Variants in SOBP observed in about 807,000 individuals in gnomAD.
The protein encoded by SOBP is sine oculis-binding protein homolog.
SOBP carries 4 observed loss-of-function variants against 53.6 expected under a neutral mutation model. The ratio of observed to expected loss-of-function variants is 0.07; its 90% CI spans 0.04 to 0.17. The LOEUF is 0.17. Ranked by LOEUF, SOBP falls within the 10% of genes least tolerant of loss-of-function variation. SOBP has a pLI of 1.00. For synonymous variants in SOBP, 584 were observed against 522.6 expected (o/e 1.12, Z -1.60); for missense variants, 1,088 against 1,204.7 (o/e 0.90, Z 1.43).
At chr6:107,614,725 A>G (rs1181637316) in intron 5 of SOBP, among the ~76,000 whole-genome samples, 1 of 152,262 alleles carries the variant, frequency 6.6e-6, no homozygotes, top group Non-Finnish European at 1.5e-5. Context: ...CCCTGGTGCC[A>G]GTGATCTACT....
At chr6:107,612,910 A>G (rs1786652002) in intron 5 of SOBP, among the ~76,000 whole-genome samples, 1 of 152,238 alleles carries the variant, frequency 6.6e-6, no homozygotes, top group Non-Finnish European at 1.5e-5. Flanking sequence ...GTTTTAGTAT[A>G]TAGCAATACT....
intron 3 of SOBP, among the ~76,000 whole-genome samples, chr6:107,529,076 C>A (rs1342927422): frequency 6.6e-6 from 1 of 152,104 alleles, no homozygotes; most frequent in East Asian, 1.9e-4. Context: ...TTTAGTGGTC[C>A]CAGTTTTCTC....
At chr6:107,629,499 C>T (rs968985619) in intron 5 of SOBP, among the ~76,000 whole-genome samples, 4 of 152,152 alleles carry the variant, frequency 2.6e-5, no homozygotes, top group African/African-American at 4.8e-5. Flanking sequence ...TGTGGGTAAC[C>T]TCATGGCATA....
At chr6:107,656,696 G>C (rs533905819) in intron 6 of SOBP, among the ~76,000 whole-genome samples, 1 of 152,280 alleles carries the variant, frequency 6.6e-6, no homozygotes, top group East Asian at 1.9e-4. Flanking sequence ...TCCTCCCAAT[G>C]GGCATTTGAC....
At chr6:107,563,811 A>G (rs1288598382) in intron 4 of SOBP, among the ~76,000 whole-genome samples, 1 of 152,208 alleles carries the variant, frequency 6.6e-6, no homozygotes, top group Admixed American at 6.5e-5. Flanking sequence ...TTTCCCATGA[A>G]TGTAGCGCTT....
intron 2 of SOBP, among the ~76,000 whole-genome samples, chr6:107,505,687 G>C (rs577857308): frequency 9.9e-5 from 15 of 152,092 alleles, no homozygotes; most frequent in Non-Finnish European, 1.9e-4. Context: ...GTCTTGCTCT[G>C]TCACCCAGGC....
intron 4 of SOBP, among the ~76,000 whole-genome samples, chr6:107,561,536 C>T (rs781627261): frequency 7.2e-5 from 11 of 152,066 alleles, no homozygotes; most frequent in Non-Finnish European, 1.5e-4. Flanking sequence ...TTGGCTGGGC[C>T]GGGCTGGGCT....
intron 4 of SOBP, among the ~76,000 whole-genome samples, chr6:107,570,783 TA>T (rs1318991044): frequency 1.3e-5 from 2 of 152,248 alleles, no homozygotes; most frequent in African/African-American, 2.4e-5. Context: ...ACATTAAGTG[TA>T]ATAGCAGTGC....
intron 1 of SOBP, among the ~76,000 whole-genome samples, chr6:107,501,479 C>G (rs1299736029): frequency 2.0e-5 from 3 of 152,208 alleles, no homozygotes; most frequent in Non-Finnish European, 4.4e-5. Flanking sequence ...GATATAGTCA[C>G]TAGGATATAT....
At chr6:107,630,354 C>T (rs1427799225) in intron 5 of SOBP, among the ~76,000 whole-genome samples, 1 of 152,158 alleles carries the variant, frequency 6.6e-6, no homozygotes, top group African/African-American at 2.4e-5. Flanking sequence ...TTATGAGACA[C>T]ACATTGTGTT....
At chr6:107,590,295 T>C (rs1785701362) in intron 5 of SOBP, among the ~76,000 whole-genome samples, 1 of 151,942 alleles carries the variant, frequency 6.6e-6, no homozygotes. Flanking sequence ...AAGAGGAACA[T>C]TGAGAGGGTT....
At chr6:107,531,432 C>G (rs536051980) in intron 3 of SOBP, among the ~76,000 whole-genome samples, 12 of 152,176 alleles carry the variant, frequency 7.9e-5, no homozygotes, top group African/African-American at 2.6e-4. Flanking sequence ...TAGTTGCTAT[C>G]TAGTTTAGTA....
intron 5 of SOBP, among the ~76,000 whole-genome samples, chr6:107,595,227 G>T (rs963366242): frequency 1.3e-5 from 2 of 151,688 alleles, no homozygotes; most frequent in African/African-American, 4.8e-5. Context: ...AAGGTATATA[G>T]TTTTTAATTT....
chr6:107,634,982 GC>G lies in SOBP; in HGVS notation c.2142del (p.Glu715ArgfsTer10). On this transcript the variant is annotated frameshift_variant, in exon 6 of 7. Transcript: ENST00000317357. LOFTEE classifies it high-confidence loss of function. The surrounding 1 kb of genome is among the most constrained non-coding windows in gnomAD (Gnocchi z 4.5). ...GACCCAGGCCCGGGCGCCCCGGCGG[GC>G]CCCGAGGCGGCCGCGGCCTGCAACG... ...AGDPGPGAPA[G>X]PEAAAACNVI... 1 of 1,030,844 alleles carries G rather than the reference GC, an allele frequency of 9.7e-7. No individual in the cohort carries two copies. The highest frequency in any genetic ancestry group is 1.2e-6 in the Non-Finnish European group (1 of 862,014). The allele number at this position is 1,030,844 out of a possible 1,614,324, so 63.9% of individuals were successfully genotyped here.
At chr6:107,646,079 T>C (rs1023267738) in intron 6 of SOBP, among the ~76,000 whole-genome samples, 1 of 152,244 alleles carries the variant, frequency 6.6e-6, no homozygotes, top group African/African-American at 2.4e-5. Flanking sequence ...GGAAAATTAC[T>C]TGAGCAGCTC....
intron 4 of SOBP, among the ~76,000 whole-genome samples, chr6:107,560,453 A>G (rs1230738280): frequency 6.6e-6 from 1 of 151,380 alleles, no homozygotes; most frequent in African/African-American, 2.4e-5. Context: ...TCCTCTCTGG[A>G]TTCTCTCCTT....
rs772378900 is a variant in SOBP, at chr6:107,634,294, C to T, written c.1450C>T (p.Pro484Ser). The T allele has an allele frequency of 6.4e-7, 1 of 1,563,792 alleles. No individual in the cohort carries two copies. Residue 484 changes from proline to serine, a missense_variant, in exon 6 of 7, where the codon CCG (proline) becomes TCG (serine). Pro to Ser is a moderately conservative substitution (Grantham distance 74). Coordinates refer to ENST00000317357, the MANE Select transcript of SOBP (RefSeq NM_018013.4). This position sits in a 1 kb window ranked among gnomAD's most constrained non-coding sequence, Gnocchi z 4.5. ...GCTGCCCCCGCCGCCTCCGGGCGCC[C>T]CGCTGCCGAGTCTTCCCTTCCCGCC... ...GLLPPPPPGA[P>S]LPSLPFPPVS...
chr6:107,557,559 A>G (rs1784650689), intron 4 of SOBP, among the ~76,000 whole-genome samples: 1 of 152,256 alleles, frequency 6.6e-6, no homozygotes, highest in Non-Finnish European at 1.5e-5. Flanking sequence ...GACTCGGTCA[A>G]TATAAACCAA....
chr6:107,544,723 T>C (rs972209987), intron 4 of SOBP, among the ~76,000 whole-genome samples: 5 of 152,242 alleles, frequency 3.3e-5, no homozygotes, highest in African/African-American at 1.2e-4. Context: ...TATGAAGGAA[T>C]GGCGCTTTAC....
Sources: allele counts gnomAD v4.1 joint callset (sites outside exome capture counted in the v4.1 genomes callset), GRCh38; gene constraint gnomAD v4.1.1; non-coding constraint Gnocchi (gnomAD v3.1); transcripts MANE v1.5; gene names NCBI Gene and HGNC (gene_info 2026-07-23, HGNC 2026-07-21).